Variants in PADI6 observed in about 807,000 individuals in gnomAD.
PADI6 encodes the protein peptidyl arginine deiminase 6, also known as inactive protein-arginine deiminase type-6.
In PADI6, 66 loss-of-function variants were observed where a neutral mutation model predicts 78.2. The observed-to-expected ratio is 0.84, with a 90% CI of 0.69 to 1.04. The LOEUF is 1.04. PADI6 is among the 50% of genes least tolerant of loss of function. The pLI, the probability that PADI6 is intolerant of heterozygous loss-of-function variation, is 0.00. For missense variants in PADI6, 854 were observed against 866.1 expected (o/e 0.99, Z 0.18); for synonymous variants, 397 against 346.9 (o/e 1.14, Z -1.60).
chr1:17,390,169 G>A (rs1243870381), intron 8 of PADI6, among the ~76,000 whole-genome samples: 2 of 151,312 alleles, frequency 1.3e-5, no homozygotes, highest in South Asian at 4.2e-4. Context: ...ATGTGGTAGT[G>A]CATGCCTGTA....
chr1:17,376,326 G>A (rs1181203648), intron 3 of PADI6, among the ~76,000 whole-genome samples: 1 of 151,470 alleles, frequency 6.6e-6, no homozygotes, highest in Non-Finnish European at 1.5e-5. Flanking sequence ...TTGAGATGGA[G>A]TCTTGCTCTG....
In PADI6 at chr1:17,394,293, C is replaced by G. The variant is rs1315112628; in HGVS notation, c.1183-7C>G. On this transcript the variant is annotated splice_region_variant and splice_polypyrimidine_tract_variant and intron_variant, in intron 10 of 15. Transcript: ENST00000619609. ...ACACCCCTTCCCTGGCTCGGTCTCT[C>G]CCCCAGAGCCCTGGTATTGGCTACA... 1.2e-6 allele frequency: 2 copies of G among 1,611,504 alleles called. No individual in the cohort carries two copies. Among genetic ancestry groups the G allele is most frequent in the Non-Finnish European group, 1.7e-6 (2 of 1,178,018 alleles).
At chr1:17,396,961 C>A in intron 13 of PADI6, 110 bp from the exon 14 acceptor site, 1 of 973,484 alleles carries the variant, frequency 1.0e-6, no homozygotes, top group Non-Finnish European at 1.6e-6. Flanking sequence ...TCGCCATGGT[C>A]ACTGGCCCAG....
chr1:17,397,025 C>CT, intron 13 of PADI6, 46 bp from the exon 14 acceptor site: 1 of 1,587,648 alleles, frequency 6.3e-7, no homozygotes, highest in Non-Finnish European at 8.6e-7. Context: ...CTGGGCAGTG[C>CT]TGCCATTCCC....
chr1:17,388,435 C>A lies in PADI6; in HGVS notation c.734C>A (p.Thr245Asn), dbSNP rs772208946. Residue 245 changes from threonine (T) to asparagine (N), a missense_variant, in exon 7 of 16, where the codon ACC becomes AAC. Coordinates refer to ENST00000619609, the MANE Select transcript of PADI6 (RefSeq NM_207421.4). Reference sequence around the variant, plus strand: ...CTGGGGCCCGACCAGCACGCCTATACCTTGGCCCTCCTCGGGAACCACTTG... The same window carrying A: ...CTGGGGCCCGACCAGCACGCCTATAACTTGGCCCTCCTCGGGAACCACTTG... ...LVLGPDQHAY[T>N]LALLGNHLKE... is the part of the protein sequence containing the mutation. The A allele has an allele frequency of 2.5e-6, 4 of 1,613,804 alleles. No homozygotes were observed. The highest frequency in any genetic ancestry group is 3.3e-5 in the Admixed American group (2 of 59,986).
chr1:17,378,152 G>C (rs751829244), intron 3 of PADI6, among the ~76,000 whole-genome samples: 13 of 152,020 alleles, frequency 8.6e-5, no homozygotes, highest in Non-Finnish European at 1.5e-4. Flanking sequence ...GTAAACTTGG[G>C]CTCCCTTGAT....
chr1:17,389,093 C>T (rs1285486569), intron 8 of PADI6, among the ~76,000 whole-genome samples: 1 of 152,132 alleles, frequency 6.6e-6, no homozygotes, highest in Non-Finnish European at 1.5e-5. Context: ...TGAGACAGTC[C>T]CCCCATTATG....
Position 17,388,813 on chromosome 1 carries a change from G to T in PADI6, c.895G>T (p.Val299Leu). ...PETVLYKDTVVFRVAPCVFIP... is the reference protein window; with the variant it reads ...PETVLYKDTVLFRVAPCVFIP... Reference sequence around the variant, plus strand: ...GACTGTGCTGTACAAAGACACGGTGGTGTTCCGGGTGGCTCCCTGTGTCTT... The same window carrying T: ...GACTGTGCTGTACAAAGACACGGTGTTGTTCCGGGTGGCTCCCTGTGTCTT... The change falls in exon 8 of 16, where the codon GTG becomes TTG. Residue 299 changes from valine to leucine, a missense_variant. Transcript: ENST00000619609. The T allele has an allele frequency of 6.2e-7, 1 of 1,613,840 alleles. No individual in the cohort carries two copies. The highest frequency in any genetic ancestry group is 1.1e-5 in the South Asian group (1 of 91,004).
chr1:17,396,977 C>CA, intron 13 of PADI6, 94 bp from the exon 14 acceptor site: 1 of 1,185,878 alleles, frequency 8.4e-7, no homozygotes, highest in Non-Finnish European at 1.2e-6. Flanking sequence ...CCCAGGAATG[C>CA]ACCCAGGTGG....
intron 3 of PADI6, among the ~76,000 whole-genome samples, chr1:17,377,334 AT>A (rs965638689): frequency 1.1e-4 from 17 of 151,742 alleles, no homozygotes; most frequent in Non-Finnish European, 2.5e-4. Flanking sequence ...TGTTCAACTT[AT>A]TTTTCCTCCT....
intron 3 of PADI6, among the ~76,000 whole-genome samples, chr1:17,378,239 C>T (rs2075037580): frequency 6.6e-6 from 1 of 152,130 alleles, no homozygotes; most frequent in Non-Finnish European, 1.5e-5. Context: ...ACATGATGTA[C>T]CTGCTTGCCC....
chr1:17,383,835 A>T (rs1054259912), intron 6 of PADI6, among the ~76,000 whole-genome samples: 4 of 150,880 alleles, frequency 2.7e-5, no homozygotes, highest in East Asian at 2.0e-4. Flanking sequence ...CAAAAAAATA[A>T]TTTTTTTAAA....
At chr1:17,394,252 A>T in intron 10 of PADI6, 48 bp from the exon 11 acceptor site, 2 of 1,602,556 alleles carry the variant, frequency 1.2e-6, no homozygotes, top group Non-Finnish European at 1.7e-6. Context: ...CTGGGGCCTA[A>T]AGCCATCCCC....
intron 9 of PADI6, among the ~76,000 whole-genome samples, chr1:17,392,529 C>A (rs2075197655): frequency 6.6e-6 from 1 of 152,126 alleles, no homozygotes; most frequent in African/African-American, 2.4e-5. Flanking sequence ...GAGAGCTGGG[C>A]CACTGCCCTG....
At chr1:17,392,289 AAG>A (rs1570144872) in intron 9 of PADI6, 64 bp downstream of exon 9, 2 of 1,215,316 alleles carry the variant, frequency 1.6e-6, no homozygotes, top group Non-Finnish European at 1.2e-6. Context: ...TGTGCCACCT[AAG>A]AGGAACTTCA....
chr1:17,385,090 T>TGGC, intron 6 of PADI6, among the ~76,000 whole-genome samples: 1 of 152,254 alleles, frequency 6.6e-6, no homozygotes, highest in East Asian at 1.9e-4. Flanking sequence ...CTGGGCGTGG[T>TGGC]GGCTCACACC....
chr1:17,390,223 C>T (rs2265729), intron 8 of PADI6, among the ~76,000 whole-genome samples: 45,389 of 151,838 alleles, frequency 0.3, 7,105 homozygotes, highest in Middle Eastern at 0.41. Flanking sequence ...ATCACTTGAA[C>T]CCAGGAGACA....
At chr1:17,373,382 G>A in intron 2 of PADI6, 149 bp downstream of exon 2, 1 of 951,928 alleles carries the variant, frequency 1.1e-6, no homozygotes, top group Non-Finnish European at 1.5e-6. Flanking sequence ...CAACAGACCA[G>A]TGGTGTGGGC....
Position 17,388,448 on chromosome 1 carries a change from C to T in PADI6, c.747C>T (p.Leu249=), listed in dbSNP as rs74730094. Residue 249 remains leucine, a synonymous_variant, in exon 7 of 16, where the codon CTC becomes CTT. Transcript: ENST00000619609. ...PDQHAYTLAL[L]GNHLKETFYV... ...AGCACGCCTATACCTTGGCCCTCCTCGGGAACCACTTGAAGGAGACTTTCT... is the reference window on the plus strand; with the variant it reads ...AGCACGCCTATACCTTGGCCCTCCTTGGGAACCACTTGAAGGAGACTTTCT... 2.7e-3 allele frequency: 4,384 copies of T among 1,613,720 alleles called. 112 individuals are homozygous for T. The African/African-American group carries it at 0.049, about 18-fold the overall frequency.
Sources: allele counts gnomAD v4.1 joint callset (sites outside exome capture counted in the v4.1 genomes callset), GRCh38; gene constraint gnomAD v4.1.1; transcripts MANE v1.5; gene names NCBI Gene and HGNC (gene_info 2026-07-23, HGNC 2026-07-21).